ELAVL4: variants seen among roughly 807,000 people sequenced by gnomAD.
The protein encoded by ELAVL4 is ELAV-like protein 4.
Under a neutral mutation model 35.6 loss-of-function variants are expected in ELAVL4, and 1 was observed. The ratio of observed to expected loss-of-function variants is 0.03; its 90% CI spans 0.01 to 0.13. ELAVL4 has a LOEUF of 0.13. ELAVL4 is among the 10% of genes least tolerant of loss of function. The pLI is 1.00. For missense variants in ELAVL4, 267 were observed against 464.9 expected (o/e 0.57, Z 3.91); for synonymous variants, 156 against 171.0 (o/e 0.91, Z 0.69).
intron 2 of ELAVL4, among the ~76,000 whole-genome samples, chr1:50,172,803 A>C (rs1056883572): frequency 4.1e-4 from 63 of 152,346 alleles, no homozygotes; most frequent in African/African-American, 1.4e-3. Flanking sequence ...TGTTGAGAGA[A>C]TCAAATGCAT....
At chr1:50,075,049 G>A (rs1664698734) in intron 1 of ELAVL4, among the ~76,000 whole-genome samples, 1 of 152,188 alleles carries the variant, frequency 6.6e-6, no homozygotes, top group Non-Finnish European at 1.5e-5. Context: ...TTTGGATTTG[G>A]TCTTTGTGAG....
At chr1:50,179,000 G>A (rs1353339646) in intron 3 of ELAVL4, among the ~76,000 whole-genome samples, 3 of 151,472 alleles carry the variant, frequency 2.0e-5, no homozygotes, top group Non-Finnish European at 2.9e-5. Flanking sequence ...GGCCACTGTG[G>A]TTCCCCAAAG....
At chr1:50,141,001 A>G (rs555042311) in intron 1 of ELAVL4, among the ~76,000 whole-genome samples, 2 of 152,298 alleles carry the variant, frequency 1.3e-5, no homozygotes, top group Admixed American at 6.5e-5. Context: ...GGAAATCCAC[A>G]TAGAATGCAA....
chr1:50,189,870 C>T (rs1445412807), intron 3 of ELAVL4, among the ~76,000 whole-genome samples: 2 of 152,224 alleles, frequency 1.3e-5, no homozygotes, highest in Non-Finnish European at 2.9e-5. Flanking sequence ...TAAGGTCATG[C>T]AGCTAGTGAG....
intron 1 of ELAVL4, among the ~76,000 whole-genome samples, chr1:50,071,934 TA>T (rs773513703): frequency 3.3e-5 from 5 of 152,202 alleles, no homozygotes; most frequent in Admixed American, 1.3e-4. Flanking sequence ...TAAATGCATA[TA>T]AAGTGCTTGG....
At chr1:50,095,981 T>C (rs1665702149) in intron 1 of ELAVL4, among the ~76,000 whole-genome samples, 1 of 152,150 alleles carries the variant, frequency 6.6e-6, no homozygotes, top group Non-Finnish European at 1.5e-5. Flanking sequence ...CTTCCGTTGG[T>C]AGAGCTTTCT....
In ELAVL4 at chr1:50,060,587, G is replaced by C. The variant is rs548489919; in HGVS notation, c.18+12405G>C. ...TGCTCTTACTATGGAGGAGGGCCTG[G>C]GTCGGCCTCTAGCTGAGAAGGTGCT... is the stretch of plus-strand genomic sequence containing the variant. On this transcript the variant is annotated intron_variant, in intron 1 of 6. Coordinates refer to the ELAVL4 transcript ENST00000448907. 5.3e-5 allele frequency among the ~76,000 whole-genome samples: 8 copies of C among 152,282 alleles called. No individual in the cohort carries two copies. The East Asian group carries it at 1.5e-3, about 29-fold the overall frequency.
At chr1:50,197,760 C>A (rs1644143617) in intron 6 of ELAVL4, among the ~76,000 whole-genome samples, 1 of 152,190 alleles carries the variant, frequency 6.6e-6, no homozygotes, top group Non-Finnish European at 1.5e-5. Context: ...TGAATGGCTC[C>A]CCTAAGGGGA....
chr1:50,080,242 C>T (rs1009546950), intron 1 of ELAVL4, among the ~76,000 whole-genome samples: 2 of 152,156 alleles, frequency 1.3e-5, no homozygotes, highest in African/African-American at 4.8e-5. Flanking sequence ...TGTACTGATC[C>T]TGGATAGGCT....
At position 50,141,353 on chromosome 1, in the gene ELAVL4, G is replaced by T. The variant is rs547230532; in HGVS notation, c.10-3604G>T. Among the ~76,000 whole-genome samples the T allele has an allele frequency of 2.6e-4, 39 of 152,286 alleles. 1 individual carries two copies. The South Asian group carries it at 7.5e-3, about 29-fold the overall frequency. Reference sequence around the variant, plus strand: ...GAGTTTCTAAAGATTGTGGGCCTGGGGGGTTTTTGCCATTAAATCGAATGT... The same window carrying T: ...GAGTTTCTAAAGATTGTGGGCCTGGTGGGTTTTTGCCATTAAATCGAATGT... On this transcript the variant is annotated intron_variant, in intron 1 of 6. Coordinates refer to ENST00000371824, the MANE Select transcript of ELAVL4 (RefSeq NM_001144774.3).
chr1:50,077,662 A>T (rs1238840198), intron 1 of ELAVL4, among the ~76,000 whole-genome samples: 1 of 152,208 alleles, frequency 6.6e-6, no homozygotes, highest in South Asian at 2.1e-4. Flanking sequence ...TAACTATCAT[A>T]CTTACCCTGC....
At position 50,166,923 on chromosome 1, in the gene ELAVL4, T is replaced by C. The variant is rs547450738; in HGVS notation, c.251-10166T>C. 1.5e-4 allele frequency among the ~76,000 whole-genome samples: 23 copies of C among 152,292 alleles called. 1 individual carries two copies. The highest frequency in any genetic ancestry group is 4.6e-4 in the Admixed American group (7 of 15,300). ...TTAATGGAATTGTTATTGTGTCTCCTGTTGGCAGCGTTCCTCCCTCTGGAA... is the reference window on the plus strand; with the variant it reads ...TTAATGGAATTGTTATTGTGTCTCCCGTTGGCAGCGTTCCTCCCTCTGGAA... On this transcript the variant is annotated intron_variant, in intron 2 of 6. Coordinates refer to ENST00000371824, the MANE Select transcript of ELAVL4 (RefSeq NM_001144774.3).
At chr1:50,109,722 T>C (rs929299796) in intron 1 of ELAVL4, 1 of 577,906 alleles carries the variant, frequency 1.7e-6, no homozygotes, top group Non-Finnish European at 3.1e-6. Context: ...AGTGATTTAT[T>C]TGGGCTTCAG....
rs1166653334 is a variant in ELAVL4, at chr1:50,203,625, T to C, written c.*2447T>C. 1.3e-5 allele frequency: 2 copies of C among 152,166 alleles called. No homozygotes were observed. The highest frequency in any genetic ancestry group is 2.9e-5 in the Non-Finnish European group (2 of 68,016). 9.4% of individuals were successfully genotyped at this position (152,166 alleles called of 1,614,324 possible). A position where few individuals can be genotyped will look rare whatever the true frequency, so the allele number is the denominator to read the frequency against. ...AGGACCAGGCAGTTGTATACTTTAGTTATTAATGAATGACTTCATGTTAAT... is the reference window on the plus strand; with the variant it reads ...AGGACCAGGCAGTTGTATACTTTAGCTATTAATGAATGACTTCATGTTAAT... On this transcript the variant is annotated 3_prime_UTR_variant, in exon 7 of 7. Coordinates refer to ENST00000371824, the MANE Select transcript of ELAVL4 (RefSeq NM_001144774.3).
intron 3 of ELAVL4, chr1:50,179,855 G>T (rs773243753): frequency 6.6e-6 from 1 of 152,140 alleles, no homozygotes; most frequent in African/African-American, 2.4e-5. Flanking sequence ...CTGGATTCAG[G>T]GAAGGTTCTG....
chr1:50,164,842 A>G (rs559020562), intron 2 of ELAVL4, among the ~76,000 whole-genome samples: 1 of 152,204 alleles, frequency 6.6e-6, no homozygotes, highest in Non-Finnish European at 1.5e-5. Flanking sequence ...GAGAATGTAA[A>G]TATCCATGTG....
chr1:50,153,526 T>C (rs2148722559), intron 2 of ELAVL4, among the ~76,000 whole-genome samples: 1 of 152,264 alleles, frequency 6.6e-6, no homozygotes, highest in African/African-American at 2.4e-5. Flanking sequence ...ACAACATCAG[T>C]TATGGGTGTT....
At chr1:50,063,601 G>A (rs945984756) in intron 1 of ELAVL4, among the ~76,000 whole-genome samples, 9 of 151,986 alleles carry the variant, frequency 5.9e-5, no homozygotes, top group Admixed American at 2.0e-4. Context: ...CTCTTCGAGC[G>A]TTTCCACCAT....
At chr1:50,079,932 C>A (rs1241658528) in intron 1 of ELAVL4, among the ~76,000 whole-genome samples, 1 of 152,176 alleles carries the variant, frequency 6.6e-6, no homozygotes, top group Non-Finnish European at 1.5e-5. Context: ...CCTTCTCCCT[C>A]TCTCTTTTGT....
Sources: gnomAD v4.1 joint callset for allele counts (sites outside exome capture counted in the v4.1 genomes callset) on GRCh38, gnomAD v4.1.1 for gene constraint, MANE v1.5 for transcripts, NCBI Gene and HGNC (gene_info 2026-07-23, HGNC 2026-07-21) for gene names.